GFAP: variants seen among roughly 807,000 people sequenced by gnomAD.
The protein encoded by GFAP is intermediate filament protein.
Under a neutral mutation model 49.3 loss-of-function variants are expected in GFAP, and 38 were observed. That is an observed-to-expected ratio of 0.77 (90% CI 0.60 to 1.01). GFAP has a LOEUF of 1.01. Ranked by LOEUF, GFAP falls within the 50% of genes least tolerant of loss-of-function variation. The pLI is 0.00. For synonymous variants in GFAP, 222 were observed against 236.4 expected (o/e 0.94, Z 0.56); for missense variants, 463 against 579.1 (o/e 0.80, Z 2.06).
Position 44,905,141 on chromosome 17 carries a change from G to T in GFAP, c.*2206C>A. ...GTTAAATGATACCAGATGTCTCTGG[G>T]TGGGTACCCTGGGTTGGGACAGGTG... On this transcript the variant is annotated 3_prime_UTR_variant, in exon 9 of 9. Transcript: ENST00000588735. 1 of 1,278,964 alleles carries T rather than the reference G, an allele frequency of 7.8e-7. No individual in the cohort carries two copies. The highest frequency in any genetic ancestry group is 1.5e-5 in the South Asian group (1 of 66,634). 79.2% of individuals were successfully genotyped at this position (1,278,964 alleles called of 1,614,324 possible).
chr17:44,913,957 G>A, intron 2 of GFAP, 71 bp downstream of exon 2: 4 of 1,330,530 alleles, frequency 3.0e-6, no homozygotes, highest in Admixed American at 3.6e-5. Flanking sequence ...GCTGAGCTTG[G>A]GGGCTGTGTT....
rs773808836 is a variant in GFAP at position 44,911,342 on chromosome 17, C to T, written c.1021G>A (p.Glu341Lys). 3.7e-6 allele frequency: 6 copies of T among 1,614,070 alleles called. No individual in the cohort carries two copies. Among genetic ancestry groups the T allele is most frequent in the Non-Finnish European group, 5.1e-6 (6 of 1,180,032 alleles). Reference sequence around the variant, plus strand: ...TACTCCTGCAAGTGGCGGGCCATCTCGTCCTTGAGGCTCTGCCCCTCTTCC... The same window carrying T: ...TACTCCTGCAAGTGGCGGGCCATCTTGTCCTTGAGGCTCTGCCCCTCTTCC... ...LEEEGQSLKD[E>K]MARHLQEYQD... Residue 341 changes from glutamate to lysine, a missense_variant, in exon 6 of 9, where the codon GAG (glutamate) becomes AAG (lysine). Glu to Lys is a moderately conservative substitution (Grantham distance 56). Around this residue, in one of 3 missense-constraint regions of GFAP, gnomAD observed 362 missense variants for 445.5 expected, o/e 0.81. Transcript: ENST00000588735.
intron 8 of GFAP, 61 bp from the exon 9 acceptor site, chr17:44,907,449 C>T (rs751643306): frequency 3.3e-6 from 4 of 1,197,742 alleles, no homozygotes; most frequent in Admixed American, 3.4e-5. Flanking sequence ...ACCCCAGGTC[C>T]ACCACCACGA....
chr17:44,903,691 G>A lies in GFAP; in HGVS notation c.*3656C>T. 7.0e-7 allele frequency: 1 copy of A among 1,437,920 alleles called. No individual in the cohort carries two copies. The highest frequency in any genetic ancestry group is 9.1e-7 in the Non-Finnish European group (1 of 1,101,644). 89.1% of individuals were successfully genotyped at this position (1,437,920 alleles called of 1,614,324 possible). On this transcript the variant is annotated 3_prime_UTR_variant, in exon 9 of 9. Coordinates refer to ENST00000588735, the MANE Select transcript of GFAP (RefSeq NM_002055.5). ...TGCCTTGCACTTGGCGGCTTCCTCT[G>A]CAGATTGTTGCTGCTTTTCCTGGCT...
In GFAP at chr17:44,904,110, G is replaced by A. The variant is rs575434877; in HGVS notation, c.*3237C>T. 66 of 1,550,614 alleles carry A rather than the reference G, an allele frequency of 4.3e-5. No individual in the cohort carries two copies. Among genetic ancestry groups the A allele is most frequent in the Middle Eastern group, 3.3e-4 (2 of 5,990 alleles). On this transcript the variant is annotated 3_prime_UTR_variant, in exon 9 of 9. Coordinates refer to ENST00000588735, the MANE Select transcript of GFAP (RefSeq NM_002055.5). ...GTGCTGACGGAGGCAGCCCAGGTAC[G>A]TGTGGGCAGCGACATGCTGACCCGC... is the stretch of plus-strand genomic sequence containing the variant.
rs2051658712 is a variant in GFAP, at chr17:44,906,778, G to A, written c.*569C>T. On this transcript the variant is annotated 3_prime_UTR_variant, in exon 9 of 9. Coordinates refer to ENST00000588735, the MANE Select transcript of GFAP (RefSeq NM_002055.5). ...AGGCTGAGGTGGGTAGACTGCTTGA[G>A]CCCAGGAGTTCAAGGTCAGCCTAGG... is the stretch of plus-strand genomic sequence containing the variant. 1 of 185,208 alleles carries A rather than the reference G, an allele frequency of 5.4e-6. No individual in the cohort carries two copies. Among genetic ancestry groups the A allele is most frequent in the Non-Finnish European group, 1.1e-5 (1 of 87,440 alleles). The allele number at this position is 185,208 out of a possible 1,614,324, so 11.5% of individuals were successfully genotyped here.
At position 44,915,383 on chromosome 17, in the gene GFAP, G is replaced by A. The variant is rs1376759037; in HGVS notation, c.104C>T (p.Thr35Ile). 2 of 1,608,662 alleles carry A rather than the reference G, an allele frequency of 1.2e-6. No individual in the cohort carries two copies. Among genetic ancestry groups the A allele is most frequent in the Non-Finnish European group, 1.7e-6 (2 of 1,176,464 alleles). The change falls in exon 1 of 9, where the codon ACC becomes ATC. Residue 35 changes from threonine (T) to isoleucine (I), a missense_variant. Thr to Ile is a moderately conservative substitution (Grantham distance 89). Coordinates refer to ENST00000588735, the MANE Select transcript of GFAP (RefSeq NM_002055.5). This position sits in a 1 kb window ranked among gnomAD's most constrained non-coding sequence, Gnocchi z 4.1. Reference sequence around the variant, plus strand: ...GGGCATTCGAGCCAGGGAGAGGCGGGTGCCAGGACCCAGACGGCGGCCAGG... The same window carrying A: ...GGGCATTCGAGCCAGGGAGAGGCGGATGCCAGGACCCAGACGGCGGCCAGG... Reference protein sequence around the residue: ...LAPGRRLGPGTRLSLARMPPP... With the variant: ...LAPGRRLGPGIRLSLARMPPP...
chr17:44,903,529 T>C lies in GFAP; in HGVS notation c.*3818A>G. On this transcript the variant is annotated 3_prime_UTR_variant, in exon 9 of 9. Coordinates refer to ENST00000588735, the MANE Select transcript of GFAP (RefSeq NM_002055.5). ...GCCCGCCCTTCTCATTCCGGTTTCC[T>C]TTGACCCATTCTTGGGTGAGCGCCA... 1 of 1,321,346 alleles carries C rather than the reference T, an allele frequency of 7.6e-7. No individual in the cohort carries two copies. The highest frequency in any genetic ancestry group is 9.6e-7 in the Non-Finnish European group (1 of 1,041,062). 81.9% of individuals were successfully genotyped at this position (1,321,346 alleles called of 1,614,324 possible).
At chr17:44,913,245 A>G in intron 4 of GFAP, 24 bp downstream of exon 4, 1 of 1,611,596 alleles carries the variant, frequency 6.2e-7, no homozygotes. Flanking sequence ...TGGAGGAGGC[A>G]GGCTGGCCCA....
In GFAP at chr17:44,905,375, T is replaced by C; in HGVS notation, c.*1972A>G. On this transcript the variant is annotated 3_prime_UTR_variant, in exon 9 of 9. Coordinates refer to ENST00000588735, the MANE Select transcript of GFAP (RefSeq NM_002055.5). Reference sequence around the variant, plus strand: ...AGATTTATCCAGTGGTAAACACTGATCAGTGTTGAATCATGTTTGAGCTGC... The same window carrying C: ...AGATTTATCCAGTGGTAAACACTGACCAGTGTTGAATCATGTTTGAGCTGC... 2.7e-6 allele frequency: 1 copy of C among 367,614 alleles called. No individual in the cohort carries two copies. Among genetic ancestry groups the C allele is most frequent in the Non-Finnish European group, 5.2e-6 (1 of 191,276 alleles). The allele number at this position is 367,614 out of a possible 1,614,324, so 22.8% of individuals were successfully genotyped here.
intron 1 of GFAP, 96 bp from the exon 2 acceptor site, chr17:44,914,184 C>A: frequency 2.4e-6 from 2 of 843,054 alleles, no homozygotes; most frequent in Non-Finnish European, 4.0e-6. Flanking sequence ...CAGAGACCAC[C>A]CCCACCCAGG....
At position 44,915,061 on chromosome 17, in the gene GFAP, G is replaced by T; in HGVS notation, c.426C>A (p.Asp142Glu). ...ANSARLEVER[D>E]NLAQDLATVR... ...CAGTGGCCAGGTCCTGTGCCAGATT[G>T]TCCCTCTCAACCTCCAGCCGGGCGC... is the stretch of plus-strand genomic sequence containing the variant. Residue 142 changes from aspartate (D) to glutamate (E), a missense_variant, in exon 1 of 9, where the codon GAC becomes GAA. By Grantham distance (45) the Asp-to-Glu change is conservative. Transcript: ENST00000588735. The surrounding 1 kb of genome is among the most constrained non-coding windows in gnomAD (Gnocchi z 4.1). The T allele has an allele frequency of 6.2e-7, 1 of 1,612,854 alleles. No homozygotes were observed. The highest frequency in any genetic ancestry group is 1.1e-5 in the South Asian group (1 of 91,078).
At chr17:44,914,814 G>T in intron 1 of GFAP, 1 of 594,616 alleles carries the variant, frequency 1.7e-6, no homozygotes, top group Non-Finnish European at 3.0e-6. Flanking sequence ...TGGACTCCTG[G>T]CAGAAGGCAT....
In GFAP at chr17:44,915,117, G is replaced by T. The variant is rs780877810; in HGVS notation, c.370C>A (p.Arg124=). The change falls in exon 1 of 9, where the codon CGG becomes AGG. Residue 124 remains arginine, a synonymous_variant. Transcript: ENST00000588735. The surrounding 1 kb of genome is among the most constrained non-coding windows in gnomAD (Gnocchi z 4.1). ...DVYQAELREL[R]LRLDQLTANS... is the part of the protein sequence containing the mutation. ...GCGGTGAGTTGATCGAGCCGCAGCC[G>T]CAGCTCTCGCAGCTCAGCCTGGTAG... 4.3e-6 allele frequency: 7 copies of T among 1,613,770 alleles called. No homozygotes were observed. The highest frequency in any genetic ancestry group is 5.9e-6 in the Non-Finnish European group (7 of 1,180,016).
At position 44,903,290 on chromosome 17, in the gene GFAP, G is replaced by T; in HGVS notation, c.*4057C>A. 5 of 1,246,524 alleles carry T rather than the reference G, an allele frequency of 4.0e-6. No homozygotes were observed. Among genetic ancestry groups the T allele is most frequent in the Non-Finnish European group, 5.0e-6 (5 of 996,430 alleles). The allele number at this position is 1,246,524 out of a possible 1,614,324, so 77.2% of individuals were successfully genotyped here. A position where few individuals can be genotyped will look rare whatever the true frequency, so the allele number is the denominator to read the frequency against. Reference sequence around the variant, plus strand: ...ATGATCAAATACTACATCATTTGAGGTGTTGAATTTTCCCCTAGAGACTCA... The same window carrying T: ...ATGATCAAATACTACATCATTTGAGTTGTTGAATTTTCCCCTAGAGACTCA... On this transcript the variant is annotated 3_prime_UTR_variant, in exon 9 of 9. Transcript: ENST00000588735.
At chr17:44,910,099 C>G (rs1191034685) in intron 7 of GFAP, 13 of 1,613,770 alleles carry the variant, frequency 8.1e-6, no homozygotes, top group Non-Finnish European at 1.1e-5. Flanking sequence ...CACTCCCTGT[C>G]AAGCTGGGCA....
rs1421374308 is a variant in GFAP, at chr17:44,903,614, G to A, written c.*3733C>T. Reference sequence around the variant, plus strand: ...GAATGGCTTTCCCCCCCCACCCTGAGATCAGGTCTGGAATGTTAGAAGGGC... The same window carrying A: ...GAATGGCTTTCCCCCCCCACCCTGAAATCAGGTCTGGAATGTTAGAAGGGC... On this transcript the variant is annotated 3_prime_UTR_variant, in exon 9 of 9. Transcript: ENST00000588735. The A allele has an allele frequency of 7.1e-7, 1 of 1,408,596 alleles. No individual in the cohort carries two copies. The highest frequency in any genetic ancestry group is 2.6e-5 in the East Asian group (1 of 38,470). The allele number at this position is 1,408,596 out of a possible 1,614,324, so 87.3% of individuals were successfully genotyped here.
rs1264249316 is a variant in GFAP, at chr17:44,903,288, A to G, written c.*4059T>C. ...AAATGATCAAATACTACATCATTTG[A>G]GGTGTTGAATTTTCCCCTAGAGACT... On this transcript the variant is annotated 3_prime_UTR_variant, in exon 9 of 9. Coordinates refer to ENST00000588735, the MANE Select transcript of GFAP (RefSeq NM_002055.5). 1 of 1,246,410 alleles carries G rather than the reference A, an allele frequency of 8.0e-7. No individual in the cohort carries two copies. Among genetic ancestry groups the G allele is most frequent in the Non-Finnish European group, 1.0e-6 (1 of 996,408 alleles). 77.2% of individuals were successfully genotyped at this position (1,246,410 alleles called of 1,614,324 possible). A position where few individuals can be genotyped will look rare whatever the true frequency, so the allele number is the denominator to read the frequency against.
intron 4 of GFAP, chr17:44,912,230 T>C (rs896421328): frequency 1.8e-5 from 3 of 165,510 alleles, no homozygotes; most frequent in Non-Finnish European, 3.9e-5. Context: ...TTCAAGCAAT[T>C]CTCCTGCCCC....
Sources: allele counts gnomAD v4.1 joint callset, GRCh38; gene constraint gnomAD v4.1.1; regional missense constraint gnomAD v4.1.1; non-coding constraint Gnocchi (gnomAD v3.1); transcripts MANE v1.5; gene names NCBI Gene and HGNC (gene_info 2026-07-23, HGNC 2026-07-21).